DROSHA: variants seen among roughly 807,000 people sequenced by gnomAD.
DROSHA encodes the protein drosha ribonuclease III.
A neutral mutation model predicts 181.9 loss-of-function variants in DROSHA; 56 were observed. That is an observed-to-expected ratio of 0.31 (90% CI 0.25 to 0.38). DROSHA has a LOEUF of 0.38. Ranked by LOEUF, DROSHA falls within the 10% of genes least tolerant of loss-of-function variation. The probability of loss-of-function intolerance (pLI) is 1.00; values close to 1 mark genes in which losing one functional copy is unlikely to be tolerated. For synonymous variants in DROSHA, 524 were observed against 591.2 expected, an observed-to-expected ratio of 0.89 and a Z score of 1.65; for missense variants, 1,218 against 1,743.5, an observed-to-expected ratio of 0.70 and a Z score of 5.37.
At chr5:31,525,390 G>T (rs1429388794) in intron 5 of DROSHA, among the ~76,000 whole-genome samples, 1 of 142,156 alleles carries the variant, frequency 7.0e-6, no homozygotes, top group African/African-American at 2.6e-5. Context: ...TGTAATCCCA[G>T]CTACTTGGGA....
chr5:31,450,390 T>G (rs1008675675), intron 21 of DROSHA, among the ~76,000 whole-genome samples: 1 of 152,228 alleles, frequency 6.6e-6, no homozygotes, highest in African/African-American at 2.4e-5. Flanking sequence ...CTATGCTTAT[T>G]GCAGCACAAT....
At chr5:31,487,645 AT>A (rs1751944959) in intron 13 of DROSHA, among the ~76,000 whole-genome samples, 1 of 152,232 alleles carries the variant, frequency 6.6e-6, no homozygotes, top group Non-Finnish European at 1.5e-5. Context: ...AAAGAAACAA[AT>A]TTTAATTCTA....
chr5:31,486,130 G>T (rs1007793622), intron 14 of DROSHA, among the ~76,000 whole-genome samples: 1 of 152,138 alleles, frequency 6.6e-6, no homozygotes, highest in Non-Finnish European at 1.5e-5. Context: ...TGGAGATAAC[G>T]AATAAGATTA....
At chr5:31,519,993 T>C (rs1739707234) in intron 6 of DROSHA, among the ~76,000 whole-genome samples, 1 of 152,194 alleles carries the variant, frequency 6.6e-6, no homozygotes, top group Non-Finnish European at 1.5e-5. Flanking sequence ...TTTTTTCCCT[T>C]GGTTAGGTTT....
In DROSHA at chr5:31,435,812, A is replaced by T; in HGVS notation, c.2995T>A (p.Tyr999Asn). 2 of 1,613,900 alleles carry T rather than the reference A, an allele frequency of 1.2e-6. No homozygotes were observed. Among genetic ancestry groups the T allele is most frequent in the East Asian group, 4.5e-5 (2 of 44,882 alleles). Residue 999 changes from tyrosine to asparagine, a missense_variant, in exon 25 of 36, where the codon TAT becomes AAT. This residue lies in a region of DROSHA where 460 missense variants were observed against 774.2 expected (regional missense o/e 0.59). Transcript: ENST00000344624. ...TGATTCTGAACAATGGCAGTCCGAT[A>T]GGTTGCTAATCCTCCTTCTTCCAGA... ...PSLEEGGLAT[Y>N]RTAIVQNQHL...
At chr5:31,417,854 C>T (rs1201941318) in intron 30 of DROSHA, among the ~76,000 whole-genome samples, 1 of 152,088 alleles carries the variant, frequency 6.6e-6, no homozygotes, top group South Asian at 2.1e-4. Flanking sequence ...CCTTTGACTA[C>T]AGCATGTAAA....
At chr5:31,450,986 G>A (rs1746930289) in intron 21 of DROSHA, among the ~76,000 whole-genome samples, 1 of 152,178 alleles carries the variant, frequency 6.6e-6, no homozygotes, top group Non-Finnish European at 1.5e-5. Flanking sequence ...CACATCACCT[G>A]AGGTCAGAAG....
chr5:31,419,625 T>C (rs1252294181), intron 30 of DROSHA, among the ~76,000 whole-genome samples: 1 of 152,192 alleles, frequency 6.6e-6, no homozygotes, highest in East Asian at 1.9e-4. Flanking sequence ...AACAATAAAC[T>C]TCCCATCTCT....
chr5:31,452,458 T>C (rs1316119420), intron 20 of DROSHA, among the ~76,000 whole-genome samples: 1 of 152,176 alleles, frequency 6.6e-6, no homozygotes, highest in African/African-American at 2.4e-5. Flanking sequence ...AAATTCCTTA[T>C]TGGGAGATAA....
intron 23 of DROSHA, among the ~76,000 whole-genome samples, chr5:31,446,263 A>G (rs992731676): frequency 1.4e-4 from 22 of 151,944 alleles, no homozygotes; most frequent in African/African-American, 3.6e-4. Context: ...TGGTTAACAC[A>G]GTGAGACCCT....
chr5:31,476,714 G>T (rs1338936517), intron 16 of DROSHA, among the ~76,000 whole-genome samples: 1 of 152,140 alleles, frequency 6.6e-6, no homozygotes, highest in South Asian at 2.1e-4. Context: ...TTTGGGGCTC[G>T]ATTTCCATGG....
rs1021391797 is a variant in DROSHA, at chr5:31,411,666, C to T, written c.3526-779G>A. Among the ~76,000 whole-genome samples the T allele has an allele frequency of 6.6e-6, 1 of 152,032 alleles. No homozygotes were observed. Among genetic ancestry groups the T allele is most frequent in the Non-Finnish European group, 1.5e-5 (1 of 68,026 alleles). ...TTGAGACAGGCTCTTGCTCTGTTGCCTAGGCTGGAGTGCAGTGGTGCACCA... is the reference window on the plus strand; with the variant it reads ...TTGAGACAGGCTCTTGCTCTGTTGCTTAGGCTGGAGTGCAGTGGTGCACCA... On this transcript the variant is annotated intron_variant, in intron 30 of 35. Coordinates refer to ENST00000344624, the MANE Select transcript of DROSHA (RefSeq NM_001382508.1). The surrounding 1 kb of genome is among the most constrained non-coding windows in gnomAD (Gnocchi z 4.2).
At chr5:31,506,755 T>C (rs1738021063) in intron 10 of DROSHA, among the ~76,000 whole-genome samples, 1 of 152,074 alleles carries the variant, frequency 6.6e-6, no homozygotes, top group East Asian at 1.9e-4. Context: ...CATGACTTGT[T>C]GTGATGAAAA....
intron 10 of DROSHA, among the ~76,000 whole-genome samples, chr5:31,507,504 G>A (rs1022640565): frequency 1.3e-5 from 2 of 150,372 alleles, no homozygotes; most frequent in East Asian, 1.9e-4. Flanking sequence ...CGCCCCTATA[G>A]TCCTAGATAC....
At chr5:31,482,452 G>A (rs1751141351) in intron 16 of DROSHA, among the ~76,000 whole-genome samples, 2 of 152,152 alleles carry the variant, frequency 1.3e-5, no homozygotes, top group African/African-American at 4.8e-5. Context: ...GGACATGAGA[G>A]GCTAGACTGA....
intron 20 of DROSHA, among the ~76,000 whole-genome samples, chr5:31,453,037 T>C (rs1246522752): frequency 2.0e-5 from 3 of 152,194 alleles, no homozygotes; most frequent in African/African-American, 7.2e-5. Context: ...TCAAGGTGGA[T>C]AGGACATGGG....
rs1189337143 is a variant in DROSHA at position 31,422,839 on chromosome 5, G to T, written c.3367C>A (p.Leu1123Ile). 1 of 1,613,760 alleles carries T rather than the reference G, an allele frequency of 6.2e-7. No individual in the cohort carries two copies. Among genetic ancestry groups the T allele is most frequent in the Admixed American group, 1.7e-5 (1 of 59,954 alleles). Residue 1123 changes from leucine to isoleucine, a missense_variant, in exon 29 of 36, where the codon CTT becomes ATT. Coordinates refer to ENST00000344624, the MANE Select transcript of DROSHA (RefSeq NM_001382508.1). ...CTCAATGTGAATGCCCTTGCCAGAA[G>T]TCGAACATGAGTAAAAATTACTCCA... ...AIGVIFTHVR[L>I]LARAFTLRTV...
intron 20 of DROSHA, among the ~76,000 whole-genome samples, chr5:31,457,405 G>A (rs980096665): frequency 7.2e-5 from 11 of 152,152 alleles, no homozygotes; most frequent in Middle Eastern, 3.4e-3. Flanking sequence ...GATTACAGGC[G>A]TGAGCCACTG....
At chr5:31,405,089 G>A (rs553265623) in intron 35 of DROSHA, among the ~76,000 whole-genome samples, 4 of 152,286 alleles carry the variant, frequency 2.6e-5, no homozygotes, top group South Asian at 2.1e-4. Context: ...AACACAGGCC[G>A]GGTGCAGTGG....
Sources: allele counts gnomAD v4.1 joint callset (sites outside exome capture counted in the v4.1 genomes callset), GRCh38; gene constraint gnomAD v4.1.1; regional missense constraint gnomAD v4.1.1; non-coding constraint Gnocchi (gnomAD v3.1); transcripts MANE v1.5; gene names NCBI Gene and HGNC (gene_info 2026-07-23, HGNC 2026-07-21).